The following PUM2 variants were observed in gnomAD, a reference collection of about 807,000 sequenced individuals.
PUM2 encodes pumilio homolog 2.
In PUM2, 57 loss-of-function variants were observed where a neutral mutation model predicts 124.5. The ratio of observed to expected loss-of-function variants is 0.46; its 90% CI spans 0.37 to 0.57. The LOEUF (loss-of-function observed/expected upper bound fraction) is 0.57. Among genes scored for constraint, PUM2 ranks in the 20% least tolerant of loss-of-function variants. The probability of loss-of-function intolerance (pLI) is 0.00; values close to 1 mark genes in which losing one functional copy is unlikely to be tolerated. For missense variants in PUM2, 1,065 were observed against 1,290.6 expected (o/e 0.83, Z 2.68); for synonymous variants, 460 against 446.1 (o/e 1.03, Z -0.39).
In PUM2 at chr2:20,250,891, A is replaced by G. The variant is rs1313541066; in HGVS notation, c.*694T>C. 1 of 152,628 alleles carries G rather than the reference A, an allele frequency of 6.6e-6. No individual in the cohort carries two copies. Among genetic ancestry groups the G allele is most frequent in the African/African-American group, 2.4e-5 (1 of 41,452 alleles). The allele number at this position is 152,628 out of a possible 1,614,324, so 9.5% of individuals were successfully genotyped here. On this transcript the variant is annotated 3_prime_UTR_variant, in exon 21 of 21. Transcript: ENST00000361078. Reference sequence around the variant, plus strand: ...AACTCTTACAACAATTACATATGTAAGTATATACAATATTTCTGTACATTG... The same window carrying G: ...AACTCTTACAACAATTACATATGTAGGTATATACAATATTTCTGTACATTG...
intron 13 of PUM2, among the ~76,000 whole-genome samples, chr2:20,270,105 A>G (rs1207631234): frequency 6.6e-6 from 1 of 152,144 alleles, no homozygotes; most frequent in East Asian, 1.9e-4. Flanking sequence ...AGAACATTTT[A>G]AAAAACCTAC....
At position 20,321,341 on chromosome 2, in the gene PUM2, G is replaced by C. The variant is rs551149941; in HGVS notation, c.52-2696C>G. 4.1e-4 allele frequency among the ~76,000 whole-genome samples: 62 copies of C among 152,150 alleles called. No individual in the cohort carries two copies. In the Middle Eastern group the frequency reaches 0.017, roughly 42 times the overall value. ...AAATTGTTTACCTGGGCTGGGAAGC[G>C]GGGGGGAGGGGAGTCTGTAAACCAC... On this transcript the variant is annotated intron_variant, in intron 2 of 20. Coordinates refer to ENST00000361078, the MANE Select transcript of PUM2 (RefSeq NM_015317.5).
intron 7 of PUM2, among the ~76,000 whole-genome samples, chr2:20,305,152 G>A (rs894387766): frequency 3.3e-5 from 5 of 152,156 alleles, no homozygotes; most frequent in Non-Finnish European, 7.4e-5. Context: ...TAAAGATTAC[G>A]TAAGTCCAAT....
chr2:20,258,184 T>C (rs1665272000), intron 16 of PUM2, 59 bp downstream of exon 16: 4 of 1,406,840 alleles, frequency 2.8e-6, no homozygotes, highest in East Asian at 2.5e-5. Context: ...ATTAAAAACA[T>C]GTAATAATTT....
chr2:20,290,244 G>A (rs905321274), intron 10 of PUM2, among the ~76,000 whole-genome samples: 2 of 152,170 alleles, frequency 1.3e-5, no homozygotes, highest in African/African-American at 2.4e-5. Context: ...AGGGTTCAAA[G>A]TAAGAAACAT....
intron 13 of PUM2, among the ~76,000 whole-genome samples, chr2:20,270,691 T>C (rs568446409): frequency 6.6e-6 from 1 of 152,306 alleles, no homozygotes. Context: ...TGCTTTAATA[T>C]AGTAATCTAT....
At chr2:20,290,111 T>C (rs2148118831) in intron 10 of PUM2, among the ~76,000 whole-genome samples, 1 of 152,300 alleles carries the variant, frequency 6.6e-6, no homozygotes, top group Non-Finnish European at 1.5e-5. Flanking sequence ...ACAGTAGCAA[T>C]GGGTAGAAAT....
intron 5 of PUM2, among the ~76,000 whole-genome samples, 168 bp from the exon 6 acceptor site, chr2:20,308,752 C>T (rs1450810079): frequency 6.6e-6 from 1 of 152,016 alleles, no homozygotes; most frequent in Non-Finnish European, 1.5e-5. Flanking sequence ...TATAACTTTC[C>T]TCTTAACAGC....
intron 5 of PUM2, among the ~76,000 whole-genome samples, chr2:20,310,345 C>T (rs1479513657): frequency 2.0e-5 from 3 of 151,862 alleles, no homozygotes; most frequent in Non-Finnish European, 4.4e-5. Context: ...CAAAGTAACT[C>T]GTATATAGCA....
At chr2:20,254,684 C>A (rs1664335157) in intron 19 of PUM2, among the ~76,000 whole-genome samples, 179 bp downstream of exon 19, 1 of 151,530 alleles carries the variant, frequency 6.6e-6, no homozygotes, top group Non-Finnish European at 1.5e-5. Flanking sequence ...GTGGGCAAAA[C>A]AAATTTGTTA....
At chr2:20,257,639 C>T (rs1665132694) in intron 16 of PUM2, among the ~76,000 whole-genome samples, 1 of 152,122 alleles carries the variant, frequency 6.6e-6, no homozygotes, top group African/African-American at 2.4e-5. Context: ...ATCCCCTACT[C>T]TCAATATTCT....
intron 1 of PUM2, chr2:20,350,063 C>T (rs1689001864): frequency 1.3e-5 from 2 of 152,314 alleles, no homozygotes; most frequent in African/African-American, 2.4e-5. Context: ...TATCGAAATC[C>T]GTTCCTATAA....
chr2:20,340,460 G>A (rs1216635172), intron 1 of PUM2, among the ~76,000 whole-genome samples: 2 of 152,210 alleles, frequency 1.3e-5, no homozygotes, highest in Non-Finnish European at 2.9e-5. Flanking sequence ...AACAGATGTA[G>A]TCTGGAAACT....
chr2:20,260,195 A>C, intron 15 of PUM2, 142 bp downstream of exon 15: 1 of 909,710 alleles, frequency 1.1e-6, no homozygotes. Flanking sequence ...TGTTTACCGC[A>C]TATATAATTT....
At chr2:20,339,125 T>G (rs1478434062) in intron 1 of PUM2, among the ~76,000 whole-genome samples, 1 of 152,100 alleles carries the variant, frequency 6.6e-6, no homozygotes, top group African/African-American at 2.4e-5. Flanking sequence ...TATAGCTTAT[T>G]TCAAAAAAAA....
chr2:20,258,620 T>C (rs932279399), intron 15 of PUM2, among the ~76,000 whole-genome samples: 1 of 151,224 alleles, frequency 6.6e-6, no homozygotes, highest in Admixed American at 6.6e-5. Flanking sequence ...AACACTCTTT[T>C]AAAGTGAACA....
chr2:20,294,863 T>G (rs1675145757), intron 8 of PUM2, among the ~76,000 whole-genome samples: 1 of 152,222 alleles, frequency 6.6e-6, no homozygotes, highest in African/African-American at 2.4e-5. Context: ...AAATGCTCAT[T>G]CATCGTTTCT....
Position 20,321,162 on chromosome 2 carries a change from C to A in PUM2, c.52-2517G>T, listed in dbSNP as rs978187360. Among the ~76,000 whole-genome samples the A allele has an allele frequency of 4.3e-4, 65 of 152,228 alleles. 1 individual carries two copies. The highest frequency in any genetic ancestry group is 5.6e-4 in the Non-Finnish European group (38 of 68,012). On this transcript the variant is annotated intron_variant, in intron 2 of 20. Transcript: ENST00000361078. ...TTTAAAATGCAAATTGCAGCACACA[C>A]CTGTAGTCCCAGCTACTCAGGAGGC...
intron 1 of PUM2, among the ~76,000 whole-genome samples, chr2:20,345,745 G>A (rs1464144777): frequency 6.6e-6 from 1 of 152,082 alleles, no homozygotes; most frequent in Non-Finnish European, 1.5e-5. Context: ...GGTGGTGGGC[G>A]CCTGTAATCC....
Sources: allele counts gnomAD v4.1 joint callset (sites outside exome capture counted in the v4.1 genomes callset), GRCh38; gene constraint gnomAD v4.1.1; transcripts MANE v1.5; gene names NCBI Gene and HGNC (gene_info 2026-07-23, HGNC 2026-07-21).